The following ADGRL2 variants were observed in gnomAD, a reference collection of about 807,000 sequenced individuals.
The protein encoded by ADGRL2 is adhesion G protein-coupled receptor L2, also known as calcium-independent alpha-latrotoxin receptor 2.
Under a neutral mutation model 157.4 loss-of-function variants are expected in ADGRL2, and 44 were observed. The ratio of observed to expected loss-of-function variants is 0.28; its 90% CI spans 0.22 to 0.36. The LOEUF (loss-of-function observed/expected upper bound fraction) is 0.36, where lower values mean the gene tolerates loss of function less well. ADGRL2 is among the 10% of genes least tolerant of loss of function. The probability of loss-of-function intolerance (pLI) is 1.00; values close to 1 mark genes in which losing one functional copy is unlikely to be tolerated. For synonymous variants in ADGRL2, 585 were observed against 624.7 expected (o/e 0.94, Z 0.95); for missense variants, 1,510 against 1,768.9 (o/e 0.85, Z 2.63).
chr1:81,563,647 A>T (rs1003322889), intron 2 of ADGRL2, among the ~76,000 whole-genome samples: 7 of 152,196 alleles, frequency 4.6e-5, no homozygotes, highest in African/African-American at 1.7e-4. Flanking sequence ...CAGTGAGGAA[A>T]GATCTAAAAG....
intron 3 of ADGRL2, 82 bp downstream of exon 3, chr1:81,907,312 G>T (rs1213368687): frequency 1.7e-6 from 2 of 1,148,140 alleles, no homozygotes; most frequent in African/African-American, 3.1e-5. Context: ...AAAGCGAATG[G>T]ATATAGACCA....
chr1:81,581,298 A>T (rs956169125), intron 3 of ADGRL2, among the ~76,000 whole-genome samples: 1 of 152,206 alleles, frequency 6.6e-6, no homozygotes, highest in Non-Finnish European at 1.5e-5. Context: ...CTAGCTTGTT[A>T]TGGTGTTTTC....
intron 2 of ADGRL2, among the ~76,000 whole-genome samples, chr1:81,901,761 T>C (rs1011077284): frequency 3.3e-5 from 5 of 152,204 alleles, no homozygotes; most frequent in African/African-American, 7.2e-5. Flanking sequence ...TTAAAGGCTT[T>C]TCAAAGTTCC....
At chr1:81,801,750 G>A (rs914204955) in intron 1 of ADGRL2, among the ~76,000 whole-genome samples, 1 of 152,258 alleles carries the variant, frequency 6.6e-6, no homozygotes, top group South Asian at 2.1e-4. Context: ...GAGGGGCTTC[G>A]CCTGACAAAC....
At chr1:81,394,250 T>C (rs1226038631) in intron 1 of ADGRL2, among the ~76,000 whole-genome samples, 1 of 152,176 alleles carries the variant, frequency 6.6e-6, no homozygotes, top group Non-Finnish European at 1.5e-5. Context: ...TATTTGAAAA[T>C]ATACAGTAAA....
intron 1 of ADGRL2, among the ~76,000 whole-genome samples, chr1:81,367,425 GT>G (rs1460725058): frequency 6.6e-6 from 1 of 152,150 alleles, no homozygotes; most frequent in African/African-American, 2.4e-5. Context: ...ATGTGTCCAT[GT>G]GTTCTCATCA....
chr1:81,801,616 G>A (rs1358386168), intron 1 of ADGRL2, among the ~76,000 whole-genome samples: 1 of 152,190 alleles, frequency 6.6e-6, no homozygotes, highest in Non-Finnish European at 1.5e-5. Flanking sequence ...CTTCCTTGGG[G>A]CAGCGGCCAC....
chr1:81,512,098 T>C (rs2079090303), intron 2 of ADGRL2, among the ~76,000 whole-genome samples: 1 of 152,168 alleles, frequency 6.6e-6, no homozygotes, highest in South Asian at 2.1e-4. Context: ...TTTTAATATG[T>C]GAGCCTGTAG....
chr1:81,506,179 C>A (rs187465113), intron 2 of ADGRL2: 1 of 153,116 alleles, frequency 6.5e-6, no homozygotes, highest in East Asian at 1.9e-4. Flanking sequence ...GCTGGTAGCA[C>A]CTTTTAAAGA....
Position 81,425,962 on chromosome 1 carries a change from G to T in ADGRL2, c.-301-19074G>T, listed in dbSNP as rs774714296. Among the ~76,000 whole-genome samples the T allele has an allele frequency of 2.0e-5, 3 of 152,064 alleles. No homozygotes were observed. The East Asian group carries it at 5.8e-4, about 29-fold the overall frequency. ...GCTCACTACAGCCTTGAACTCCTGG[G>T]CTCAGGTTGTTCTCCCACCTCAGCC... On this transcript the variant is annotated intron_variant, in intron 1 of 24. Coordinates refer to the ADGRL2 transcript ENST00000370721.
At chr1:81,602,969 G>A (rs1413993419) in intron 3 of ADGRL2, among the ~76,000 whole-genome samples, 2 of 152,028 alleles carry the variant, frequency 1.3e-5, no homozygotes, top group Non-Finnish European at 2.9e-5. Context: ...AACCACTGGT[G>A]GTAAGGTGAG....
At chr1:81,687,637 C>T (rs564337565) in intron 3 of ADGRL2, among the ~76,000 whole-genome samples, 2 of 152,284 alleles carry the variant, frequency 1.3e-5, no homozygotes, top group East Asian at 3.9e-4. Flanking sequence ...CATTTACATT[C>T]AATGTTAGTA....
intron 2 of ADGRL2, among the ~76,000 whole-genome samples, chr1:81,489,728 C>T (rs755015060): frequency 8.5e-5 from 13 of 152,114 alleles, no homozygotes; most frequent in South Asian, 2.1e-4. Flanking sequence ...AGTGGCTCAT[C>T]GCATACAAGG....
chr1:81,683,043 G>A (rs778979153), intron 3 of ADGRL2, among the ~76,000 whole-genome samples: 2 of 152,226 alleles, frequency 1.3e-5, no homozygotes, highest in Non-Finnish European at 2.9e-5. Context: ...TGAGGTAGGA[G>A]AATCGTCTGA....
intron 2 of ADGRL2, among the ~76,000 whole-genome samples, chr1:81,525,447 A>G (rs1374676084): frequency 6.6e-6 from 1 of 152,102 alleles, no homozygotes; most frequent in Non-Finnish European, 1.5e-5. Context: ...CCTCCCGAAC[A>G]GCTGGGATTG....
At position 81,906,971 on chromosome 1, in the gene ADGRL2, C is replaced by T. The variant is rs764948614; in HGVS notation, c.74-46C>T. ...AAAATGCTTTACTAAAATAATTTAT[C>T]TTATAAATGAGTTACAGTTTAATTT... On this transcript the variant is annotated intron_variant, in intron 2 of 23. Transcript: ENST00000686636. 1.1e-5 allele frequency: 16 copies of T among 1,421,394 alleles called. No homozygotes were observed. The African/African-American group carries it at 1.7e-4, about 15-fold the overall frequency. The allele number at this position is 1,421,394 out of a possible 1,614,324, so 88.0% of individuals were successfully genotyped here. A position where few individuals can be genotyped will look rare whatever the true frequency, so the allele number is the denominator to read the frequency against.
intron 3 of ADGRL2, among the ~76,000 whole-genome samples, chr1:81,629,999 T>C (rs563727740): frequency 1.3e-5 from 2 of 152,102 alleles, no homozygotes; most frequent in South Asian, 4.2e-4. Context: ...TATCCATATG[T>C]ATATATGAAT....
Position 81,569,245 on chromosome 1 carries a change from A to G in ADGRL2, c.-247-11631A>G, listed in dbSNP as rs934644523. 5.3e-5 allele frequency among the ~76,000 whole-genome samples: 8 copies of G among 152,132 alleles called. 1 individual carries two copies. Among genetic ancestry groups the G allele is most frequent in the Admixed American group, 4.6e-4 (7 of 15,262 alleles). On this transcript the variant is annotated intron_variant, in intron 2 of 24. Transcript: ENST00000370721. ...ATTCCTCACAAAAACACTGTGAGAC[A>G]GAGAGAATTTTTTCCCCATTTTTCC...
At chr1:81,709,022 A>G (rs967007215) in intron 1 of ADGRL2, among the ~76,000 whole-genome samples, 1 of 151,976 alleles carries the variant, frequency 6.6e-6, no homozygotes, top group Admixed American at 6.6e-5. Context: ...AGAATCAAAC[A>G]TTTTCTTCCT....
Sources: gnomAD v4.1 joint callset for allele counts (sites outside exome capture counted in the v4.1 genomes callset) on GRCh38, gnomAD v4.1.1 for gene constraint, MANE v1.5 for transcripts, NCBI Gene and HGNC (gene_info 2026-07-23, HGNC 2026-07-21) for gene names.